The following DLG5 variants were observed in gnomAD, a reference collection of about 807,000 sequenced individuals.
The protein encoded by DLG5 is discs large MAGUK scaffold protein 5.
Under a neutral mutation model 189.8 loss-of-function variants are expected in DLG5, and 48 were observed. The observed-to-expected ratio is 0.25, with a 90% CI of 0.20 to 0.32. DLG5 has a LOEUF of 0.32. Among genes scored for constraint, DLG5 ranks in the 10% least tolerant of loss-of-function variants. The probability of loss-of-function intolerance (pLI) is 1.00; values close to 1 mark genes in which losing one functional copy is unlikely to be tolerated. For synonymous variants in DLG5, 1,016 were observed against 1,054.1 expected (o/e 0.96, Z 0.70); for missense variants, 2,160 against 2,544.7 (o/e 0.85, Z 3.25).
At chr10:77,932,346 C>T in the DLG5 span, among the ~76,000 whole-genome samples, 1 of 152,204 alleles carries the variant, frequency 6.6e-6, no homozygotes, top group South Asian at 2.1e-4. Context: ...TGTATCTCCA[C>T]AGCACTGTAC....
chr10:77,839,066 G>A (rs923282262), intron 7 of DLG5, among the ~76,000 whole-genome samples: 6 of 152,372 alleles, frequency 3.9e-5, no homozygotes, highest in South Asian at 2.1e-4. Flanking sequence ...CCTGAGTGCT[G>A]GGAATGCGGT....
intron 12 of DLG5, 128 bp from the exon 13 acceptor site, chr10:77,829,113 G>T: frequency 9.1e-7 from 1 of 1,103,198 alleles, no homozygotes. Context: ...GTCTACGCCT[G>T]CACCCTGCCC....
At chr10:77,869,034 G>GGA in intron 2 of DLG5, 95 bp downstream of exon 2, 1 of 993,650 alleles carries the variant, frequency 1.0e-6, no homozygotes, top group South Asian at 1.4e-5. Context: ...ATCTGACAAG[G>GGA]GAGAACCAGC....
upstream of DLG5, chr10:77,926,901 C>T (rs541368167): frequency 4.6e-5 from 16 of 347,196 alleles, no homozygotes; most frequent in East Asian, 2.2e-3. The surrounding 1 kb of genome is among the most constrained non-coding windows in gnomAD (Gnocchi z 5.2). Context: ...CGCGAGAAAA[C>T]TCGCCCCGAA....
intron 1 of DLG5, among the ~76,000 whole-genome samples, chr10:77,924,277 T>G (rs774471076): frequency 6.6e-6 from 1 of 152,212 alleles, no homozygotes; most frequent in Non-Finnish European, 1.5e-5. Context: ...GTGGTAAAAC[T>G]GGGGTCTGAA....
At chr10:77,809,448 A>T in intron 24 of DLG5, 99 bp downstream of exon 24, 1 of 1,329,980 alleles carries the variant, frequency 7.5e-7, no homozygotes, top group Non-Finnish European at 1.0e-6. Context: ...TCACCAGATG[A>T]GAGGCTGTAC....
chr10:77,895,633 G>C (rs1422532605), intron 1 of DLG5, among the ~76,000 whole-genome samples: 1 of 152,164 alleles, frequency 6.6e-6, no homozygotes, highest in Non-Finnish European at 1.5e-5. Context: ...CACAGATTCT[G>C]TAAAAAAAGG....
intron 1 of DLG5, among the ~76,000 whole-genome samples, chr10:77,893,542 C>T (rs1420193003): frequency 1.3e-5 from 2 of 152,214 alleles, no homozygotes; most frequent in African/African-American, 2.4e-5. Context: ...AGTCCCTGCC[C>T]GCCCCAGACA....
intron 3 of DLG5, among the ~76,000 whole-genome samples, chr10:77,855,697 A>G (rs1375946315): frequency 6.6e-6 from 1 of 152,182 alleles, no homozygotes; most frequent in Non-Finnish European, 1.5e-5. Flanking sequence ...TGAGGGGCAT[A>G]TCCTCATGAA....
intron 17 of DLG5, 49 bp from the exon 18 acceptor site, chr10:77,817,938 A>T (rs1568142294): frequency 6.9e-7 from 1 of 1,456,968 alleles, no homozygotes; most frequent in Non-Finnish European, 9.4e-7. Context: ...CCAGGAACAG[A>T]TGTGGCCACT....
Position 77,835,798 on chromosome 10 carries a change from C to T in DLG5, c.1562G>A (p.Cys521Tyr). The T allele has an allele frequency of 6.2e-7, 1 of 1,614,084 alleles. No individual in the cohort carries two copies. The highest frequency in any genetic ancestry group is 8.5e-7 in the Non-Finnish European group (1 of 1,180,004). The change falls in exon 8 of 32, where the codon TGC (cysteine) becomes TAC (tyrosine). Residue 521 changes from cysteine (C) to tyrosine (Y), a missense_variant. Physicochemically the swap from Cys to Tyr is radical, Grantham distance 194. Transcript: ENST00000372391. ...EALQEADVAK[C>Y]RRDWAFQERD... ...CTCCTGGAAGGCCCAGTCCCGCCGGCACTTGGCCACATCCGCCTCCTGGAG... is the reference window on the plus strand; with the variant it reads ...CTCCTGGAAGGCCCAGTCCCGCCGGTACTTGGCCACATCCGCCTCCTGGAG...
Position 77,796,050 on chromosome 10 carries a change from G to A in DLG5, c.5436+11C>T. ...CTGGATGCCTAATCCTCAGACTGAA[G>A]CCCTGGGTACCTTTTCTGTGATCTC... On this transcript the variant is annotated intron_variant, in intron 29 of 31. Transcript: ENST00000372391. This position sits in a 1 kb window ranked among gnomAD's most constrained non-coding sequence, Gnocchi z 5.2. 6.2e-7 allele frequency: 1 copy of A among 1,614,164 alleles called. No homozygotes were observed. Among genetic ancestry groups the A allele is most frequent in the Non-Finnish European group, 8.5e-7 (1 of 1,180,032 alleles).
At position 77,833,961 on chromosome 10, in the gene DLG5, G is replaced by A. The variant is rs750668582; in HGVS notation, c.1701C>T (p.Asp567=). The change falls in exon 9 of 32, where the codon GAC becomes GAT. Residue 567 remains aspartate, a synonymous_variant. Coordinates refer to ENST00000372391, the MANE Select transcript of DLG5 (RefSeq NM_004747.4). ...TGACATCATTCTTCTGCTTGCGGGT[G>A]TCATCCAGGCTGCGCAGGGCCTCAG... ...ELAEALRSLD[D]TRKQKNDVSR... 4.4e-6 allele frequency: 7 copies of A among 1,607,226 alleles called. No individual in the cohort carries two copies. Among genetic ancestry groups the A allele is most frequent in the Admixed American group, 1.7e-5 (1 of 60,014 alleles).
intron 27 of DLG5, among the ~76,000 whole-genome samples, chr10:77,803,095 C>G (rs1841298702): frequency 6.6e-6 from 1 of 152,048 alleles, no homozygotes; most frequent in Non-Finnish European, 1.5e-5. Flanking sequence ...CAACTAAACA[C>G]TAGTGGATGT....
intron 1 of DLG5, among the ~76,000 whole-genome samples, chr10:77,878,152 T>C (rs1845164427): frequency 6.6e-6 from 1 of 152,184 alleles, no homozygotes; most frequent in African/African-American, 2.4e-5. Flanking sequence ...CCACACAGGA[T>C]GGAGCGCATA....
chr10:77,907,254 A>C (rs1846094317), intron 1 of DLG5, among the ~76,000 whole-genome samples: 1 of 152,166 alleles, frequency 6.6e-6, no homozygotes, highest in Non-Finnish European at 1.5e-5. Flanking sequence ...TATGCCACTT[A>C]AACAGCCATG....
chr10:77,792,731 T>C (rs941978774), intron 31 of DLG5, 188 bp from the exon 32 acceptor site: 2 of 614,440 alleles, frequency 3.3e-6, no homozygotes, highest in African/African-American at 1.8e-5. Context: ...CCCTCTTGAG[T>C]TGATCACTCA....
At position 77,809,628 on chromosome 10, in the gene DLG5, A is replaced by AT. The variant is rs1391469798; in HGVS notation, c.4565dup (p.His1522GlnfsTer11). ...CCTCCACCTCGGCCACAAACACCCC[A>AT]TGCAGGTTCCCACCACACAAGTGCA... On this transcript the variant is annotated frameshift_variant, in exon 24 of 32. Transcript: ENST00000372391. LOFTEE classifies it high-confidence loss of function. 6.2e-7 allele frequency: 1 copy of AT among 1,614,022 alleles called. No individual in the cohort carries two copies. Among genetic ancestry groups the AT allele is most frequent in the Non-Finnish European group, 8.5e-7 (1 of 1,180,016 alleles).
Position 77,821,665 on chromosome 10 carries a change from C to T in DLG5, c.2819G>A (p.Gly940Asp). Residue 940 changes from glycine to aspartate, a missense_variant, in exon 15 of 32, where the codon GGC (glycine) becomes GAC (aspartate). Physicochemically the swap from Gly to Asp is moderately conservative, Grantham distance 94. This residue lies in a region of DLG5 where 754 missense variants were observed against 746.5 expected (regional missense o/e 1.01). Transcript: ENST00000372391. ...GGGCCAGGTCCCGCCGCTGTTGGAG[C>T]CTTCAGAGTCTGCCTTGTCCAGGGA... ...EASLDKADSE[G>D]SNSGGTWPKA... The T allele has an allele frequency of 6.2e-7, 1 of 1,613,100 alleles. No homozygotes were observed. The highest frequency in any genetic ancestry group is 1.3e-5 in the African/African-American group (1 of 75,060).
Sources: gnomAD v4.1 joint callset for allele counts (sites outside exome capture counted in the v4.1 genomes callset) on GRCh38, gnomAD v4.1.1 for gene constraint, gnomAD v4.1.1 regional missense constraint, Gnocchi (gnomAD v3.1) non-coding constraint, MANE v1.5 for transcripts, NCBI Gene and HGNC (gene_info 2026-07-23, HGNC 2026-07-21) for gene names.